The following UNC5B variants were observed in gnomAD, a reference collection of about 807,000 sequenced individuals.
UNC5B encodes unc-5 netrin receptor B, also known as netrin receptor UNC5B.
In UNC5B, 56 loss-of-function variants were observed where a neutral mutation model predicts 103.7. The ratio of observed to expected loss-of-function variants is 0.54; its 90% CI spans 0.44 to 0.67. The LOEUF (loss-of-function observed/expected upper bound fraction) is 0.67. UNC5B is among the 30% of genes least tolerant of loss of function. The probability of loss-of-function intolerance (pLI) is 0.00; values close to 1 mark genes in which losing one functional copy is unlikely to be tolerated. For synonymous variants in UNC5B, 577 were observed against 542.0 expected (o/e 1.06, Z -0.90); for missense variants, 1,194 against 1,284.5 (o/e 0.93, Z 1.08).
chr10:71,273,928 G>A (rs531741997), intron 1 of UNC5B, among the ~76,000 whole-genome samples: 1 of 152,328 alleles, frequency 6.6e-6, no homozygotes, highest in South Asian at 2.1e-4. Context: ...TGTCCATAAG[G>A]AAGCCAGCAT....
At chr10:71,218,071 T>G in intron 1 of UNC5B, 1 of 143,056 alleles carries the variant, frequency 7.0e-6, no homozygotes, top group Non-Finnish European at 1.5e-5. Context: ...TATTAAGGAG[T>G]GTGTGGGGGG....
chr10:71,222,995 G>A (rs1843481388), intron 1 of UNC5B, among the ~76,000 whole-genome samples: 1 of 152,246 alleles, frequency 6.6e-6, no homozygotes, highest in Non-Finnish European at 1.5e-5. Context: ...TGGTCATTCT[G>A]TGACACAGCA....
intron 2 of UNC5B, among the ~76,000 whole-genome samples, chr10:71,282,587 C>T (rs568012041): frequency 6.6e-6 from 1 of 152,284 alleles, no homozygotes; most frequent in South Asian, 2.1e-4. Flanking sequence ...GGGCTGTGCT[C>T]CCTGGGTCAT....
chr10:71,247,575 C>A (rs1844066081), intron 1 of UNC5B, among the ~76,000 whole-genome samples: 1 of 152,232 alleles, frequency 6.6e-6, no homozygotes, highest in African/African-American at 2.4e-5. Context: ...TGACCCTCTG[C>A]ACTTTAACCT....
chr10:71,267,819 C>T (rs926623394), intron 1 of UNC5B, among the ~76,000 whole-genome samples: 3 of 152,244 alleles, frequency 2.0e-5, no homozygotes, highest in Admixed American at 6.5e-5. Context: ...AACTCAGCTG[C>T]TCACCCAAAC....
chr10:71,254,222 T>C (rs186734761), intron 1 of UNC5B, among the ~76,000 whole-genome samples: 5 of 152,340 alleles, frequency 3.3e-5, no homozygotes, highest in Middle Eastern at 6.8e-3. Context: ...AGAGGGGGTT[T>C]TGTGCCCTAC....
At chr10:71,271,065 C>T (rs1844635570) in intron 1 of UNC5B, among the ~76,000 whole-genome samples, 1 of 152,140 alleles carries the variant, frequency 6.6e-6, no homozygotes, top group Admixed American at 6.5e-5. Context: ...AGGCCTTACT[C>T]CTGGATCTCG....
At chr10:71,220,593 A>C (rs1843434272) in intron 1 of UNC5B, among the ~76,000 whole-genome samples, 1 of 152,190 alleles carries the variant, frequency 6.6e-6, no homozygotes, top group South Asian at 2.1e-4. Flanking sequence ...TGGGCAGCTC[A>C]CCTAACTGGA....
intron 1 of UNC5B, among the ~76,000 whole-genome samples, chr10:71,229,840 G>A (rs1330518618): frequency 1.3e-5 from 2 of 152,150 alleles, no homozygotes; most frequent in Admixed American, 6.5e-5. Context: ...GTAAGAGCTG[G>A]TGGTGAGAAT....
At chr10:71,288,811 C>A (rs1035900322) in intron 7 of UNC5B, 79 bp downstream of exon 7, 4 of 1,545,110 alleles carry the variant, frequency 2.6e-6, no homozygotes, top group Non-Finnish European at 3.5e-6. Flanking sequence ...GGCCCCATGC[C>A]TCAGTGCCCA....
Position 71,256,560 on chromosome 10 carries a change from C to T in UNC5B, c.80-23261C>T, listed in dbSNP as rs111726880. ...CTTGGGCAGAGGCCAGAGGCAGAGG[C>T]GCTGAAGGCTCTGAGAGCAGATGGA... On this transcript the variant is annotated intron_variant, in intron 1 of 16. Coordinates refer to ENST00000335350, the MANE Select transcript of UNC5B (RefSeq NM_170744.5). Among the ~76,000 whole-genome samples, 513 of 152,326 alleles carry T rather than the reference C, an allele frequency of 3.4e-3. 1 individual carries two copies. The highest frequency in any genetic ancestry group is 0.012 in the African/African-American group (486 of 41,586).
chr10:71,260,765 A>T (rs1589173180), intron 1 of UNC5B, among the ~76,000 whole-genome samples: 2 of 152,356 alleles, frequency 1.3e-5, no homozygotes, highest in East Asian at 3.9e-4. Context: ...AGGAGGAGGT[A>T]GCAAGGAGAC....
At chr10:71,231,845 A>G (rs931859312) in intron 1 of UNC5B, among the ~76,000 whole-genome samples, 2 of 152,152 alleles carry the variant, frequency 1.3e-5, no homozygotes, top group East Asian at 1.9e-4. Flanking sequence ...GGTCCCACCC[A>G]GAGATCCTGA....
intron 1 of UNC5B, among the ~76,000 whole-genome samples, chr10:71,268,975 G>A (rs1056981793): frequency 6.6e-6 from 1 of 152,230 alleles, no homozygotes; most frequent in Non-Finnish European, 1.5e-5. Context: ...CGTGGCAGGA[G>A]CAGGCAGCCC....
chr10:71,259,675 G>A (rs949596782), intron 1 of UNC5B, among the ~76,000 whole-genome samples: 3 of 152,128 alleles, frequency 2.0e-5, no homozygotes, highest in Non-Finnish European at 4.4e-5. Context: ...TTACCATAAC[G>A]ACAGCCCTGG....
intron 2 of UNC5B, among the ~76,000 whole-genome samples, chr10:71,281,682 T>C (rs562016315): frequency 2.2e-4 from 33 of 152,310 alleles, no homozygotes; most frequent in African/African-American, 6.7e-4. Flanking sequence ...ACACATATTT[T>C]CCAGCTGCCC....
chr10:71,248,867 TC>T (rs1844108771), intron 1 of UNC5B, among the ~76,000 whole-genome samples: 1 of 26,498 alleles, frequency 3.8e-5, no homozygotes, highest in Non-Finnish European at 1.7e-4. Flanking sequence ...TCTCTCTCTC[TC>T]ACACACACAC....
chr10:71,288,556 A>G lies in UNC5B; in HGVS notation c.902-12A>G. 1 of 1,609,772 alleles carries G rather than the reference A, an allele frequency of 6.2e-7. No homozygotes were observed. Among genetic ancestry groups the G allele is most frequent in the South Asian group, 1.1e-5 (1 of 90,856 alleles). On this transcript the variant is annotated splice_polypyrimidine_tract_variant and intron_variant, in intron 6 of 16. Coordinates refer to ENST00000335350, the MANE Select transcript of UNC5B (RefSeq NM_170744.5). ...CTGCGTGCACATGCTCCTGTATGCC[A>G]TGCTCTTACAGTCGATGGGGCGTGG...
chr10:71,238,847 A>T (rs991655072), intron 1 of UNC5B, among the ~76,000 whole-genome samples: 1 of 152,128 alleles, frequency 6.6e-6, no homozygotes, highest in Non-Finnish European at 1.5e-5. Context: ...TGGCGCAATC[A>T]TAGCTCACTG....
Sources: gnomAD v4.1 joint callset for allele counts (sites outside exome capture counted in the v4.1 genomes callset) on GRCh38, gnomAD v4.1.1 for gene constraint, MANE v1.5 for transcripts, NCBI Gene and HGNC (gene_info 2026-07-23, HGNC 2026-07-21) for gene names.